PLD1: variants seen among roughly 807,000 people sequenced by gnomAD.
PLD1 encodes the protein choline phosphatase 1.
A neutral mutation model predicts 137.1 loss-of-function variants in PLD1; 112 were observed. That is an observed-to-expected ratio of 0.82 (90% CI 0.70 to 0.96). PLD1 has a LOEUF of 0.96. Among genes scored for constraint, PLD1 ranks in the 40% least tolerant of loss-of-function variants. The probability of loss-of-function intolerance (pLI) is 0.00; values close to 1 mark genes in which losing one functional copy is unlikely to be tolerated. For synonymous variants in PLD1, 431 were observed against 454.7 expected, an observed-to-expected ratio of 0.95 and a Z score of 0.66; for missense variants, 1,321 against 1,342.0, an observed-to-expected ratio of 0.98 and a Z score of 0.24.
intron 6 of PLD1, among the ~76,000 whole-genome samples, chr3:171,729,600 A>G (rs1263011054): frequency 6.6e-6 from 1 of 152,180 alleles, no homozygotes; most frequent in Non-Finnish European, 1.5e-5. Flanking sequence ...TGAGTTGGGC[A>G]ATGTCCTTGT....
At chr3:171,709,361 CTG>C (rs1442468721) in intron 10 of PLD1, among the ~76,000 whole-genome samples, 197 bp downstream of exon 10, 1 of 152,224 alleles carries the variant, frequency 6.6e-6, no homozygotes, top group Non-Finnish European at 1.5e-5. Context: ...GCTAAGCTCA[CTG>C]TGAAAAATCT....
rs34683994 is a variant in PLD1 at position 171,770,888 on chromosome 3, C to CAAAAAAAAAAAAAAAAAAAAA, written c.-31-32827_-31-32807dup. Among the ~76,000 whole-genome samples the CAAAAAAAAAAAAAAAAAAAAA allele has an allele frequency of 9.3e-4, 38 of 40,872 alleles. 2 individuals are homozygous for CAAAAAAAAAAAAAAAAAAAAA. Among genetic ancestry groups the CAAAAAAAAAAAAAAAAAAAAA allele is most frequent in the African/African-American group, 2.8e-3 (35 of 12,596 alleles). 26.8% of individuals were successfully genotyped at this position (40,872 alleles called of 152,430 possible). A position where few individuals can be genotyped will look rare whatever the true frequency, so the allele number is the denominator to read the frequency against. ...TTGGTGACAGAGCAAAACCCTATCT[C>CAAAAAAAAAAAAAAAAAAAAA]AAAAAAAAAAAAAAAAAAAAAAAGG... On this transcript the variant is annotated intron_variant, in intron 1 of 26. Transcript: ENST00000351298.
At chr3:171,725,214 T>C (rs1280524517) in intron 7 of PLD1, among the ~76,000 whole-genome samples, 1 of 152,106 alleles carries the variant, frequency 6.6e-6, no homozygotes, top group Non-Finnish European at 1.5e-5. Flanking sequence ...TAAAAAAATG[T>C]TGAGTGTTCC....
At chr3:171,692,061 A>G (rs991797063) in intron 13 of PLD1, among the ~76,000 whole-genome samples, 3 of 152,218 alleles carry the variant, frequency 2.0e-5, no homozygotes, top group African/African-American at 7.2e-5. Context: ...GCTCGTGAAT[A>G]TCAAAACAAC....
At chr3:171,626,121 G>A (rs917005367) in intron 23 of PLD1, among the ~76,000 whole-genome samples, 8 of 152,302 alleles carry the variant, frequency 5.3e-5, no homozygotes, top group African/African-American at 1.9e-4. Context: ...TCAGACGAAT[G>A]TATAACTGGA....
chr3:171,747,538 C>T (rs1356499686), intron 1 of PLD1, among the ~76,000 whole-genome samples: 1 of 151,454 alleles, frequency 6.6e-6, no homozygotes, highest in African/African-American at 2.4e-5. Flanking sequence ...ACCTTAGAGG[C>T]TCTATACAGG....
At chr3:171,617,425 A>G (rs143902100) in intron 24 of PLD1, among the ~76,000 whole-genome samples, 156 of 152,168 alleles carry the variant, frequency 1.0e-3, no homozygotes, top group African/African-American at 3.5e-3. Context: ...CTGCTCTCAT[A>G]TGGAAGGAGT....
At chr3:171,645,076 A>C in intron 21 of PLD1, 53 bp from the exon 22 acceptor site, 1 of 1,127,440 alleles carries the variant, frequency 8.9e-7, no homozygotes, top group Non-Finnish European at 1.4e-6. Context: ...GGTAGTATCA[A>C]TTTTAGATGA....
In PLD1 at chr3:171,629,450, T is replaced by C. The variant is rs567700852; in HGVS notation, c.2594-8930A>G. 3.8e-4 allele frequency among the ~76,000 whole-genome samples: 58 copies of C among 152,308 alleles called. No individual in the cohort carries two copies. The South Asian group carries it at 0.012, about 31-fold the overall frequency. ...TGGCCATACTGCACAAGGTAATTTATAGATTCAATGCCATCCCCATCAAGC... is the reference window on the plus strand; with the variant it reads ...TGGCCATACTGCACAAGGTAATTTACAGATTCAATGCCATCCCCATCAAGC... On this transcript the variant is annotated intron_variant, in intron 23 of 26. Transcript: ENST00000351298.
chr3:171,618,858 CGTGT>C (rs139135798), intron 24 of PLD1, among the ~76,000 whole-genome samples: 10 of 135,598 alleles, frequency 7.4e-5, no homozygotes, highest in East Asian at 7.0e-4. Context: ...AGTGTGTGTG[CGTGT>C]GTGTGTGTGT....
chr3:171,731,245 A>G (rs928403619), intron 6 of PLD1, among the ~76,000 whole-genome samples: 1 of 152,222 alleles, frequency 6.6e-6, no homozygotes, highest in Non-Finnish European at 1.5e-5. Flanking sequence ...TATGCTTTTT[A>G]CAGACAGTAA....
intron 1 of PLD1, among the ~76,000 whole-genome samples, chr3:171,773,791 C>T (rs949399702): frequency 1.3e-5 from 2 of 152,072 alleles, no homozygotes; most frequent in African/African-American, 4.8e-5. Flanking sequence ...CTCTGTCACC[C>T]AGGCGGGACT....
intron 25 of PLD1, among the ~76,000 whole-genome samples, chr3:171,611,196 A>G (rs1255382510): frequency 1.3e-5 from 2 of 152,210 alleles, no homozygotes; most frequent in Non-Finnish European, 2.9e-5. Flanking sequence ...ATTATGGCAA[A>G]TATAGTTCTA....
At position 171,726,032 on chromosome 3, in the gene PLD1, CA is replaced by C; in HGVS notation, c.650del (p.Leu217TrpfsTer6). 1 of 1,611,596 alleles carries C rather than the reference CA, an allele frequency of 6.2e-7. No individual in the cohort carries two copies. Among genetic ancestry groups the C allele is most frequent in the Non-Finnish European group, 8.5e-7 (1 of 1,177,850 alleles). ...DISQLSFIHD[L>X]GPKGIEGMIM... ...TTGCAACTTACATGCCCTTTGGTCC[CA>C]AATCATGGATGAAAGACAGCTGGCT... On this transcript the variant is annotated frameshift_variant, in exon 7 of 27. Coordinates refer to ENST00000351298, the MANE Select transcript of PLD1 (RefSeq NM_002662.5). LOFTEE classifies it high-confidence loss of function.
chr3:171,794,179 T>G (rs536514215), intron 1 of PLD1, among the ~76,000 whole-genome samples: 5 of 151,446 alleles, frequency 3.3e-5, no homozygotes, highest in Admixed American at 3.3e-4. Context: ...TACAATAAGA[T>G]ATTTTGAGAG....
At chr3:171,695,588 C>T (rs925580966) in intron 12 of PLD1, among the ~76,000 whole-genome samples, 1 of 152,206 alleles carries the variant, frequency 6.6e-6, no homozygotes, top group African/African-American at 2.4e-5. Context: ...ATTCAAACTA[C>T]ATGGGAAGAC....
At chr3:171,626,345 G>A (rs9818540) in intron 23 of PLD1, among the ~76,000 whole-genome samples, 26,530 of 152,120 alleles carry the variant, frequency 0.17, 2,408 homozygotes, top group South Asian at 0.24. Flanking sequence ...AGAAATATGG[G>A]ACTATGTGAA....
At chr3:171,783,766 C>A (rs28690143) in intron 1 of PLD1, among the ~76,000 whole-genome samples, 40,822 of 151,950 alleles carry the variant, frequency 0.27, 6,054 homozygotes, top group Admixed American at 0.32. Flanking sequence ...CCTCATCCTC[C>A]CGAGTAGCTG....
At chr3:171,710,974 A>G (rs1164047735) in intron 9 of PLD1, among the ~76,000 whole-genome samples, 1 of 147,850 alleles carries the variant, frequency 6.8e-6, no homozygotes, top group Non-Finnish European at 1.5e-5. Context: ...CCCGGGTTCA[A>G]GTGATTCTCC....
Sources: allele counts gnomAD v4.1 joint callset (sites outside exome capture counted in the v4.1 genomes callset), GRCh38; gene constraint gnomAD v4.1.1; transcripts MANE v1.5; gene names NCBI Gene and HGNC (gene_info 2026-07-23, HGNC 2026-07-21).